MACROD2: variants seen among roughly 807,000 people sequenced by gnomAD.
MACROD2 encodes mono-ADP ribosylhydrolase 2, also known as ADP-ribose glycohydrolase MACROD2.
In MACROD2, 36 loss-of-function variants were observed where a neutral mutation model predicts 70.4. The observed-to-expected ratio is 0.51, with a 90% CI of 0.39 to 0.68. The LOEUF is 0.68. Among genes scored for constraint, MACROD2 ranks in the 30% least tolerant of loss-of-function variants. MACROD2 has a pLI of 0.00. For synonymous variants in MACROD2, 172 were observed against 178.8 expected, an observed-to-expected ratio of 0.96 and a Z score of 0.30; for missense variants, 496 against 538.4, an observed-to-expected ratio of 0.92 and a Z score of 0.78.
At chr20:15,677,824 T>C (rs533460743) in intron 8 of MACROD2, among the ~76,000 whole-genome samples, 3 of 152,212 alleles carry the variant, frequency 2.0e-5, no homozygotes, top group Middle Eastern at 3.4e-3. Context: ...ATCCCAGCAC[T>C]TGGGGAGGCC....
intron 5 of MACROD2, among the ~76,000 whole-genome samples, chr20:15,160,562 C>T (rs886893436): frequency 8.6e-5 from 13 of 152,036 alleles, no homozygotes; most frequent in African/African-American, 3.1e-4. Context: ...AAATTAATGA[C>T]CTCCTATTCT....
At chr20:15,238,161 A>C (rs1485511817) in intron 6 of MACROD2, among the ~76,000 whole-genome samples, 1 of 152,238 alleles carries the variant, frequency 6.6e-6, no homozygotes, top group African/African-American at 2.4e-5. Context: ...GCAAAGCTAC[A>C]TTGAATATGC....
chr20:15,393,150 A>G (rs2045815033), intron 6 of MACROD2, among the ~76,000 whole-genome samples: 2 of 152,134 alleles, frequency 1.3e-5, no homozygotes, highest in South Asian at 4.2e-4. Flanking sequence ...CCTGATGTTG[A>G]CATCAAGCAA....
chr20:15,687,961 C>T (rs1041888929), intron 8 of MACROD2, among the ~76,000 whole-genome samples: 1 of 152,152 alleles, frequency 6.6e-6, no homozygotes, highest in Non-Finnish European at 1.5e-5. Context: ...TACTGTCTCT[C>T]TGTGGAATTT....
intron 5 of MACROD2, among the ~76,000 whole-genome samples, chr20:14,739,080 A>AC (rs2071702544): frequency 1.3e-5 from 2 of 152,034 alleles, no homozygotes; most frequent in African/African-American, 4.8e-5. Flanking sequence ...TGAAATATAT[A>AC]CCATCATATG....
At chr20:14,870,378 A>G (rs960784918) in intron 5 of MACROD2, among the ~76,000 whole-genome samples, 14 of 152,140 alleles carry the variant, frequency 9.2e-5, no homozygotes, top group Non-Finnish European at 2.1e-4. Flanking sequence ...TATCTTTGCT[A>G]TCATGAATAG....
At chr20:15,490,247 C>T (rs2047215270) in intron 7 of MACROD2, among the ~76,000 whole-genome samples, 1 of 146,304 alleles carries the variant, frequency 6.8e-6, no homozygotes, top group African/African-American at 2.5e-5. Context: ...CTTCCCTTCC[C>T]TTCCCTTCCC....
At chr20:15,692,068 C>T (rs776942052) in intron 8 of MACROD2, among the ~76,000 whole-genome samples, 23 of 152,114 alleles carry the variant, frequency 1.5e-4, no homozygotes, top group Admixed American at 7.2e-4. Flanking sequence ...ATATGCTGAT[C>T]GGATGGACTT....
intron 3 of MACROD2, among the ~76,000 whole-genome samples, chr20:14,433,763 A>G (rs1489319360): frequency 1.3e-5 from 2 of 152,120 alleles, no homozygotes; most frequent in Non-Finnish European, 2.9e-5. Flanking sequence ...AAGTGGCTGG[A>G]GAATTGATTT....
At chr20:14,673,714 T>A (rs1200797330) in intron 4 of MACROD2, among the ~76,000 whole-genome samples, 1 of 151,472 alleles carries the variant, frequency 6.6e-6, no homozygotes, top group Non-Finnish European at 1.5e-5. Flanking sequence ...AGGTGAGGAG[T>A]TCGACACTAG....
chr20:14,844,642 C>CA (rs1568828935), intron 5 of MACROD2, among the ~76,000 whole-genome samples: 1 of 152,106 alleles, frequency 6.6e-6, no homozygotes, highest in African/African-American at 2.4e-5. Context: ...AGTATAAACT[C>CA]AGATACTTTA....
At chr20:14,967,301 A>C (rs140348324) in intron 5 of MACROD2, among the ~76,000 whole-genome samples, 2,961 of 151,458 alleles carry the variant, frequency 0.02, 120 homozygotes, top group African/African-American at 0.067. Context: ...CAAGCAATTC[A>C]CCTGCCTCAG....
At chr20:14,510,508 G>A (rs2085018041) in intron 4 of MACROD2, among the ~76,000 whole-genome samples, 2 of 151,968 alleles carry the variant, frequency 1.3e-5, no homozygotes, top group African/African-American at 4.8e-5. Flanking sequence ...GAATATTTTA[G>A]TGTCATTAAA....
intron 3 of MACROD2, among the ~76,000 whole-genome samples, chr20:14,227,350 A>C (rs975096965): frequency 2.0e-5 from 3 of 152,134 alleles, no homozygotes; most frequent in Non-Finnish European, 2.9e-5. Flanking sequence ...TTTGCAATAA[A>C]TCTTGGTACT....
chr20:15,528,834 C>G (rs2047757327), intron 8 of MACROD2, among the ~76,000 whole-genome samples: 1 of 151,728 alleles, frequency 6.6e-6, no homozygotes, highest in African/African-American at 2.4e-5. Context: ...ACTCTTATCA[C>G]TTTTATCTTG....
intron 6 of MACROD2, among the ~76,000 whole-genome samples, chr20:15,362,379 G>A (rs2078362973): frequency 6.6e-6 from 1 of 151,950 alleles, no homozygotes; most frequent in Admixed American, 6.6e-5. Context: ...TTCAGTCTTA[G>A]GAAAAACTGT....
intron 5 of MACROD2, among the ~76,000 whole-genome samples, chr20:15,108,998 A>T (rs1435916228): frequency 6.6e-6 from 1 of 152,182 alleles, no homozygotes; most frequent in Admixed American, 6.5e-5. Flanking sequence ...GGATCAGCCA[A>T]CTAAAGCCTG....
intron 4 of MACROD2, among the ~76,000 whole-genome samples, chr20:14,542,834 G>A (rs1056881925): frequency 2.0e-5 from 3 of 152,106 alleles, no homozygotes; most frequent in Non-Finnish European, 2.9e-5. Context: ...ATAGGATATA[G>A]GGTAAAATAA....
intron 5 of MACROD2, chr20:14,757,652 C>A: frequency 1.6e-6 from 2 of 1,258,276 alleles, no homozygotes; most frequent in Non-Finnish European, 2.3e-6. Context: ...CATGCCTAAG[C>A]ACCTGGAGCT....
Sources: allele counts gnomAD v4.1 joint callset (sites outside exome capture counted in the v4.1 genomes callset), GRCh38; gene constraint gnomAD v4.1.1; transcripts MANE v1.5; gene names NCBI Gene and HGNC (gene_info 2026-07-23, HGNC 2026-07-21).